The following GYPC variants were observed in gnomAD, a reference collection of about 807,000 sequenced individuals.
GYPC encodes the protein glycophorin C (Gerbich blood group).
In GYPC, 14 loss-of-function variants were observed where a neutral mutation model predicts 12.6. The ratio of observed to expected loss-of-function variants is 1.11; its 90% CI spans 0.74 to 1.74. The LOEUF (loss-of-function observed/expected upper bound fraction) is 1.74, where lower values mean the gene tolerates loss of function less well. Ranked by LOEUF, GYPC falls within the 40% of genes most tolerant of loss-of-function variation. GYPC has a pLI of 0.00. For missense variants in GYPC, 225 were observed against 172.1 expected (o/e 1.31, Z -1.72); for synonymous variants, 78 against 62.1 (o/e 1.26, Z -1.20).
At chr2:126,672,979 T>C (rs1416504537) in intron 1 of GYPC, among the ~76,000 whole-genome samples, 10 of 152,018 alleles carry the variant, frequency 6.6e-5, no homozygotes, top group Admixed American at 3.9e-4. Flanking sequence ...TCCTCACCCA[T>C]GTCAGAGGTA....
intron 1 of GYPC, among the ~76,000 whole-genome samples, chr2:126,669,196 TA>T (rs1205279376): frequency 6.6e-6 from 1 of 152,150 alleles, no homozygotes; most frequent in Non-Finnish European, 1.5e-5. Context: ...AATGAATTGG[TA>T]AAGACAAGTT....
intron 1 of GYPC, among the ~76,000 whole-genome samples, chr2:126,662,736 A>G (rs1439761750): frequency 6.6e-6 from 1 of 152,164 alleles, no homozygotes; most frequent in Non-Finnish European, 1.5e-5. Context: ...AACAGTCTCT[A>G]CCTCAGGGCT....
At chr2:126,692,133 C>T (rs1205540722) in intron 2 of GYPC, among the ~76,000 whole-genome samples, 7 of 152,124 alleles carry the variant, frequency 4.6e-5, no homozygotes, top group Non-Finnish European at 7.3e-5. Context: ...TTGCTACGGC[C>T]CTTGCTTCAG....
chr2:126,694,124 A>G (rs1683567852), intron 3 of GYPC, among the ~76,000 whole-genome samples, 177 bp downstream of exon 3: 1 of 152,130 alleles, frequency 6.6e-6, no homozygotes. Context: ...ATATATATAT[A>G]CATGCATACA....
chr2:126,690,393 G>T, intron 2 of GYPC, 82 bp downstream of exon 2: 1 of 1,061,294 alleles, frequency 9.4e-7, no homozygotes, highest in Middle Eastern at 2.0e-4. Flanking sequence ...CCTTTAAGCA[G>T]CCAGGGTTGG....
At chr2:126,687,843 G>T (rs1172086846) in intron 1 of GYPC, among the ~76,000 whole-genome samples, 1 of 152,106 alleles carries the variant, frequency 6.6e-6, no homozygotes, top group Non-Finnish European at 1.5e-5. Context: ...TGAGTACAAG[G>T]TCCCTAACCA....
intron 2 of GYPC, among the ~76,000 whole-genome samples, chr2:126,691,540 T>C (rs1475989511): frequency 4.6e-5 from 7 of 152,110 alleles, no homozygotes; most frequent in Admixed American, 3.3e-4. Flanking sequence ...GGAGCAGTCA[T>C]CGGGCCATTG....
chr2:126,675,939 T>C (rs1055439489), intron 1 of GYPC, among the ~76,000 whole-genome samples: 1 of 152,234 alleles, frequency 6.6e-6, no homozygotes, highest in East Asian at 1.9e-4. Flanking sequence ...AGTAGTTATG[T>C]TAAATGTGTA....
intron 1 of GYPC, among the ~76,000 whole-genome samples, chr2:126,678,092 C>G (rs1008320109): frequency 3.9e-5 from 6 of 151,984 alleles, no homozygotes; most frequent in African/African-American, 7.2e-5. Context: ...CCTGGTGGCA[C>G]GCACCTGTAA....
chr2:126,661,346 G>A (rs757907536), intron 1 of GYPC, among the ~76,000 whole-genome samples: 4 of 152,052 alleles, frequency 2.6e-5, no homozygotes, highest in Non-Finnish European at 4.4e-5. Context: ...TCCCTCTCCC[G>A]TTCTGCTGGC....
intron 2 of GYPC, among the ~76,000 whole-genome samples, chr2:126,691,180 TCC>T (rs1373797185): frequency 3.6e-3 from 542 of 152,244 alleles, no homozygotes; most frequent in African/African-American, 0.012. Context: ...CAGCAGTCCC[TCC>T]CCAAGGCCTC....
intron 1 of GYPC, among the ~76,000 whole-genome samples, chr2:126,689,385 C>T (rs1246584082): frequency 6.6e-6 from 1 of 152,130 alleles, no homozygotes; most frequent in Admixed American, 6.5e-5. Context: ...GTGAAGACTG[C>T]ATGATAGAGT....
chr2:126,669,512 G>A (rs1174554815), intron 1 of GYPC, among the ~76,000 whole-genome samples: 1 of 152,160 alleles, frequency 6.6e-6, no homozygotes, highest in East Asian at 1.9e-4. Flanking sequence ...GAGAAAGTTG[G>A]TTCAAGCAGG....
chr2:126,692,750 T>C (rs2104808736), intron 2 of GYPC, among the ~76,000 whole-genome samples: 1 of 152,282 alleles, frequency 6.6e-6, no homozygotes, highest in Admixed American at 6.5e-5. Context: ...AGAGTGGTCC[T>C]TCCCACAGCA....
chr2:126,677,134 G>A (rs1477350093), intron 1 of GYPC, among the ~76,000 whole-genome samples: 2 of 152,090 alleles, frequency 1.3e-5, no homozygotes, highest in Non-Finnish European at 2.9e-5. Context: ...GTGTGTGCAT[G>A]TTTGTGTGTG....
chr2:126,685,502 A>T (rs1683260752), intron 1 of GYPC, among the ~76,000 whole-genome samples: 1 of 151,784 alleles, frequency 6.6e-6, no homozygotes, highest in South Asian at 2.1e-4. Context: ...CTCCTGCCTT[A>T]GCCTCCTGAG....
intron 1 of GYPC, among the ~76,000 whole-genome samples, chr2:126,684,482 T>G (rs1004410148): frequency 2.0e-5 from 3 of 152,110 alleles, no homozygotes; most frequent in Non-Finnish European, 4.4e-5. Flanking sequence ...CCCACCACCA[T>G]GCCCACTACC....
intron 1 of GYPC, chr2:126,686,231 A>G: frequency 1.0e-6 from 1 of 985,512 alleles, no homozygotes; most frequent in Non-Finnish European, 1.2e-6. Flanking sequence ...CTCTCCGTCC[A>G]CATCTGAAAA....
chr2:126,676,706 C>T (rs552806822), intron 1 of GYPC, among the ~76,000 whole-genome samples: 4 of 152,078 alleles, frequency 2.6e-5, no homozygotes, highest in South Asian at 2.1e-4. Flanking sequence ...TGGATTGAGA[C>T]GTATTTTAGA....
Sources: allele counts gnomAD v4.1 joint callset (sites outside exome capture counted in the v4.1 genomes callset), GRCh38; gene constraint gnomAD v4.1.1; transcripts MANE v1.5; gene names NCBI Gene and HGNC (gene_info 2026-07-23, HGNC 2026-07-21).